Variants in AADACL3 observed in about 807,000 individuals in gnomAD.
AADACL3 encodes arylacetamide deacetylase like 3.
AADACL3 carries 13 observed loss-of-function variants against 13.6 expected under a neutral mutation model. The observed-to-expected ratio is 0.95, with a 90% CI of 0.62 to 1.52. The LOEUF is 1.52. AADACL3 is among the 40% of genes most tolerant of loss of function. The pLI, the probability that AADACL3 is intolerant of heterozygous loss-of-function variation, is 0.00. For missense variants in AADACL3, 519 were observed against 499.2 expected (o/e 1.04, Z -0.38); for synonymous variants, 195 against 197.0 (o/e 0.99, Z 0.08).
At chr1:12,724,648 C>T (rs925652670) in intron 3 of AADACL3, among the ~76,000 whole-genome samples, 5 of 152,074 alleles carry the variant, frequency 3.3e-5, no homozygotes, top group African/African-American at 1.2e-4. Context: ...CCATGCCCAG[C>T]TAATTTTTTA....
rs180881839 is a variant in AADACL3 at position 12,719,669 on chromosome 1, C to A, written c.363C>A (p.Gly121=). 2.0e-5 allele frequency: 32 copies of A among 1,613,872 alleles called. No individual in the cohort carries two copies. Among genetic ancestry groups the A allele is most frequent in the Non-Finnish European group, 2.6e-5 (31 of 1,179,992 alleles). The change falls in exon 2 of 4, where the codon GGC becomes GGA. Residue 121 remains glycine, a synonymous_variant. Transcript: ENST00000359318. ...LKPGIVYYHG[G]GGVMGSLKTH... ...CTGGCATCGTGTACTACCACGGTGG[C>A]GGGGGCGTCATGGGGAGTTTGAGTA...
At chr1:12,719,838 C>A in intron 2 of AADACL3, 147 bp downstream of exon 2, 2 of 743,086 alleles carry the variant, frequency 2.7e-6, no homozygotes, top group Non-Finnish European at 4.4e-6. Context: ...ATTGAGGGGG[C>A]AAAAATATGG....
At position 12,727,470 on chromosome 1, in the gene AADACL3, G is replaced by A. The variant is rs995113562; in HGVS notation, c.*1474G>A. 6.6e-6 allele frequency: 1 copy of A among 152,212 alleles called. No homozygotes were observed. Among genetic ancestry groups the A allele is most frequent in the Non-Finnish European group, 1.5e-5 (1 of 68,042 alleles). 9.4% of individuals were successfully genotyped at this position (152,212 alleles called of 1,614,324 possible). ...GGCAAGTTGGCCAGTTGTTCCTTAG[G>A]AATGAAAATTCTTTTGAAAGGAATG... On this transcript the variant is annotated 3_prime_UTR_variant, in exon 4 of 4. Coordinates refer to ENST00000359318, the MANE Select transcript of AADACL3 (RefSeq NM_001103170.3).
chr1:12,719,730 C>T, intron 2 of AADACL3, 39 bp downstream of exon 2: 1 of 1,563,428 alleles, frequency 6.4e-7, no homozygotes, highest in Non-Finnish European at 8.8e-7. Context: ...AGGGTGGTGG[C>T]ACCCCTTAAC....
intron 3 of AADACL3, among the ~76,000 whole-genome samples, chr1:12,724,934 G>A (rs1638335130): frequency 1.3e-5 from 2 of 151,926 alleles, no homozygotes; most frequent in African/African-American, 4.9e-5. Flanking sequence ...AGCAACATGA[G>A]GCAGGTTCAG....
intron 2 of AADACL3, among the ~76,000 whole-genome samples, chr1:12,720,537 A>G (rs1648552915): frequency 6.6e-6 from 1 of 152,132 alleles, no homozygotes; most frequent in African/African-American, 2.4e-5. Flanking sequence ...AGGTTAAGAG[A>G]CTTGCTAGGC....
At chr1:12,720,337 T>G (rs545300551) in intron 2 of AADACL3, among the ~76,000 whole-genome samples, 1 of 152,304 alleles carries the variant, frequency 6.6e-6, no homozygotes, top group East Asian at 1.9e-4. Context: ...AATGCAATGG[T>G]GGTGTGGTTT....
At position 12,716,962 on chromosome 1, in the gene AADACL3, C is replaced by T. The variant is rs561638904; in HGVS notation, c.168+618C>T. Among the ~76,000 whole-genome samples, 36 of 152,322 alleles carry T rather than the reference C, an allele frequency of 2.4e-4. 1 individual carries two copies. In the South Asian group the frequency reaches 4.8e-3, roughly 20 times the overall value. On this transcript the variant is annotated intron_variant, in intron 1 of 3. Transcript: ENST00000359318. ...GTTGTTGCTTTTGAGAGCTAGAAAG[C>T]TGCCTAGGGAATATAGTTTGGTTCT...
At position 12,720,946 on chromosome 1, in the gene AADACL3, G is replaced by C. The variant is rs1424964681; in HGVS notation, c.449G>C (p.Gly150Ala). The part of the protein sequence containing the change: ...KESDSVVLAV[G>A]YRKLPKHKFP... ...AGTGACTCCGTGGTTCTGGCAGTTG[G>C]GTGAGTAAAGGGGAGATCCCAGGGA... The change falls in exon 3 of 4, where the codon GGT (glycine) becomes GCT (alanine). Residue 150 changes from glycine to alanine, a missense_variant and splice_region_variant. Coordinates refer to ENST00000359318, the MANE Select transcript of AADACL3 (RefSeq NM_001103170.3). The C allele has an allele frequency of 6.2e-7, 1 of 1,608,902 alleles. No homozygotes were observed. The highest frequency in any genetic ancestry group is 2.2e-5 in the East Asian group (1 of 44,548).
intron 1 of AADACL3, among the ~76,000 whole-genome samples, chr1:12,718,903 T>A (rs1196200485): frequency 6.6e-6 from 1 of 152,140 alleles, no homozygotes; most frequent in Non-Finnish European, 1.5e-5. Flanking sequence ...CTCCCTTCCC[T>A]GTGTCCCTAA....
intron 2 of AADACL3, 71 bp downstream of exon 2, chr1:12,719,762 C>T: frequency 7.0e-7 from 1 of 1,429,956 alleles, no homozygotes; most frequent in Non-Finnish European, 9.8e-7. Context: ...GAATGGGCAT[C>T]TTCCTGGGAC....
chr1:12,717,626 G>A lies in AADACL3; in HGVS notation c.168+1282G>A, dbSNP rs187827152. On this transcript the variant is annotated intron_variant, in intron 1 of 3. Transcript: ENST00000359318. ...AGTTCCACAGGTCTGCCTTTAGGGA[G>A]CTTGTAGGGTCCAGGCAGTGGGCAG... 1.3e-4 allele frequency among the ~76,000 whole-genome samples: 20 copies of A among 152,340 alleles called. 1 individual carries two copies. The highest frequency in any genetic ancestry group is 4.6e-4 in the Admixed American group (7 of 15,308).
At position 12,725,576 on chromosome 1, in the gene AADACL3, G is replaced by A. The variant is rs768729042; in HGVS notation, c.804G>A (p.Met268Ile). Reference protein sequence around the residue: ...DFSSSWQEVIMKGAHLPAEVW... With the variant: ...DFSSSWQEVIIKGAHLPAEVW... ...GCTCCTCCTGGCAAGAGGTCATCAT[G>A]AAAGGTGCCCATTTGCCTGCTGAAG... Residue 268 changes from methionine (M) to isoleucine (I), a missense_variant, in exon 4 of 4, where the codon ATG becomes ATA. Met to Ile is a conservative substitution (Grantham distance 10). Coordinates refer to ENST00000359318, the MANE Select transcript of AADACL3 (RefSeq NM_001103170.3). 3.1e-6 allele frequency: 5 copies of A among 1,614,100 alleles called. No homozygotes were observed. Among genetic ancestry groups the A allele is most frequent in the South Asian group, 1.1e-5 (1 of 91,072 alleles).
rs919134339 is a variant in AADACL3, at chr1:12,716,450, G to A, written c.168+106G>A. On this transcript the variant is annotated intron_variant, in intron 1 of 3. Coordinates refer to ENST00000359318, the MANE Select transcript of AADACL3 (RefSeq NM_001103170.3). ...GCTGAATGAACACCGGTATCATGGG[G>A]CCTGCAGTGACAGCTGATCAGACCT... is the stretch of plus-strand genomic sequence containing the variant. 9.2e-5 allele frequency: 135 copies of A among 1,466,868 alleles called. No individual in the cohort carries two copies. In the Admixed American group the frequency reaches 1.9e-3, roughly 20 times the overall value. The allele number at this position is 1,466,868 out of a possible 1,614,324, so 90.9% of individuals were successfully genotyped here.
At position 12,725,621 on chromosome 1, in the gene AADACL3, G is replaced by A. The variant is rs2100217642; in HGVS notation, c.849G>A (p.Lys283=). 1.2e-6 allele frequency: 2 copies of A among 1,614,102 alleles called. No individual in the cohort carries two copies. The highest frequency in any genetic ancestry group is 4.5e-5 in the East Asian group (2 of 44,886). Residue 283 remains lysine, a synonymous_variant, in exon 4 of 4, where the codon AAG becomes AAA. Coordinates refer to ENST00000359318, the MANE Select transcript of AADACL3 (RefSeq NM_001103170.3). ...LPAEVWEKYR[K]WLGPENIPER... is the part of the protein sequence containing the mutation. ...CTGAAGTCTGGGAAAAGTACAGAAA[G>A]TGGTTGGGCCCAGAAAACATCCCTG...
chr1:12,725,554 C>T lies in AADACL3; in HGVS notation c.782C>T (p.Ser261Phe), dbSNP rs1343911372. Reference protein sequence around the residue: ...YFFFQNLDFSSSWQEVIMKGA... With the variant: ...YFFFQNLDFSFSWQEVIMKGA... ...TTTTTTCAAAACCTGGATTTCAGCT[C>T]CTCCTGGCAAGAGGTCATCATGAAA... The change falls in exon 4 of 4, where the codon TCC becomes TTC. Residue 261 changes from serine (S) to phenylalanine (F), a missense_variant. By Grantham distance (155) the Ser-to-Phe change is radical (BLOSUM62 -2). Transcript: ENST00000359318. 4 of 1,613,964 alleles carry T rather than the reference C, an allele frequency of 2.5e-6. No homozygotes were observed. The highest frequency in any genetic ancestry group is 2.7e-5 in the African/African-American group (2 of 74,870).
rs577553604 is a variant in AADACL3 at position 12,720,132 on chromosome 1, T to C, written c.385+441T>C. Among the ~76,000 whole-genome samples, 3 of 152,304 alleles carry C rather than the reference T, an allele frequency of 2.0e-5. No individual in the cohort carries two copies. The East Asian group carries it at 5.8e-4, about 29-fold the overall frequency. On this transcript the variant is annotated intron_variant, in intron 2 of 3. Transcript: ENST00000359318. ...CACATCAGGTTTTGCTAAGACAAAT[T>C]CTGGTACAGACAGACAGGAAGATTT... is the stretch of plus-strand genomic sequence containing the variant.
At position 12,727,174 on chromosome 1, in the gene AADACL3, G is replaced by A. The variant is rs893966380; in HGVS notation, c.*1178G>A. The A allele has an allele frequency of 1.3e-5, 2 of 152,188 alleles. No individual in the cohort carries two copies. Among genetic ancestry groups the A allele is most frequent in the African/African-American group, 4.8e-5 (2 of 41,420 alleles). The allele number at this position is 152,188 out of a possible 1,614,324, so 9.4% of individuals were successfully genotyped here. A position where few individuals can be genotyped will look rare whatever the true frequency, so the allele number is the denominator to read the frequency against. On this transcript the variant is annotated 3_prime_UTR_variant, in exon 4 of 4. Coordinates refer to ENST00000359318, the MANE Select transcript of AADACL3 (RefSeq NM_001103170.3). ...CTAATTGCAACTTGATGGCTTTGTT[G>A]GCTTTCTGAGCAATGTGTCCAGTTG...
At position 12,726,051 on chromosome 1, in the gene AADACL3, C is replaced by T; in HGVS notation, c.*55C>T. ...GTGGATTCCACTGGCATCCAGCCTC[C>T]CACAGGGCTCTCTGTTGCTGATTTA... On this transcript the variant is annotated 3_prime_UTR_variant, in exon 4 of 4. Transcript: ENST00000359318. 2 of 1,544,446 alleles carry T rather than the reference C, an allele frequency of 1.3e-6. No individual in the cohort carries two copies. The highest frequency in any genetic ancestry group is 1.7e-6 in the Non-Finnish European group (2 of 1,143,528).
Sources: allele counts gnomAD v4.1 joint callset (sites outside exome capture counted in the v4.1 genomes callset), GRCh38; gene constraint gnomAD v4.1.1; transcripts MANE v1.5; gene names NCBI Gene and HGNC (gene_info 2026-07-23, HGNC 2026-07-21).